The following RABEPK variants were observed in gnomAD, a reference collection of about 807,000 sequenced individuals.
RABEPK encodes Rab9 effector protein with kelch motifs.
In RABEPK, 27 loss-of-function variants were observed where a neutral mutation model predicts 34.1. The observed-to-expected ratio is 0.79, with a 90% CI of 0.58 to 1.09. The LOEUF is 1.09. Ranked by LOEUF, RABEPK falls within the 50% of genes least tolerant of loss-of-function variation. RABEPK has a pLI of 0.00. For missense variants in RABEPK, 449 were observed against 462.6 expected (o/e 0.97, Z 0.27); for synonymous variants, 172 against 169.2 (o/e 1.02, Z -0.13).
intron 2 of RABEPK, 131 bp downstream of exon 2, chr9:125,203,197 T>A: frequency 2.9e-6 from 2 of 694,138 alleles, no homozygotes; most frequent in South Asian, 1.6e-5. Context: ...GTAATTAGAC[T>A]CAAACTGTCT....
rs1037686864 is a variant in RABEPK at position 125,207,793 on chromosome 9, G to A, written c.211+72G>A. 3.0e-5 allele frequency: 46 copies of A among 1,554,190 alleles called. No homozygotes were observed. In the African/African-American group the frequency reaches 5.6e-4, roughly 19 times the overall value. ...GGCTGTGTGCTGCTAGCCATGAGCA[G>A]GGCATTCCTAAAAACACCAGCAGGG... On this transcript the variant is annotated intron_variant, in intron 3 of 7. Coordinates refer to ENST00000373538, the MANE Select transcript of RABEPK (RefSeq NM_005833.4).
At chr9:125,227,848 C>T (rs1588405999) in intron 5 of RABEPK, 62 bp from the exon 6 acceptor site, 3 of 1,463,176 alleles carry the variant, frequency 2.1e-6, no homozygotes, top group Non-Finnish European at 2.8e-6. Flanking sequence ...AGGCTTGGGC[C>T]TGTTTCTCGT....
At chr9:125,222,673 C>T (rs1490967333) in intron 5 of RABEPK, among the ~76,000 whole-genome samples, 4 of 141,064 alleles carry the variant, frequency 2.8e-5, no homozygotes, top group Non-Finnish European at 6.0e-5. Context: ...GAGATCTTGC[C>T]ACTGCACTCC....
rs1466867179 is a variant in RABEPK, at chr9:125,205,185, T to G, written c.53+2119T>G. ...CCAAATGGTGCTTCTTCAGGAAGCCTTCTCTGACCACCCTATCTCCCTGGC... is the reference window on the plus strand; with the variant it reads ...CCAAATGGTGCTTCTTCAGGAAGCCGTCTCTGACCACCCTATCTCCCTGGC... On this transcript the variant is annotated intron_variant, in intron 2 of 7. Coordinates refer to ENST00000373538, the MANE Select transcript of RABEPK (RefSeq NM_005833.4). Among the ~76,000 whole-genome samples the G allele has an allele frequency of 2.0e-5, 3 of 152,144 alleles. No individual in the cohort carries two copies. In the South Asian group the frequency reaches 6.2e-4, roughly 32 times the overall value.
chr9:125,202,925 C>T (rs981181657), intron 1 of RABEPK, 83 bp from the exon 2 acceptor site: 2 of 1,049,674 alleles, frequency 1.9e-6, no homozygotes, highest in Non-Finnish European at 2.9e-6. Flanking sequence ...GTACATTCAA[C>T]AGGAAAGGTT....
At position 125,207,683 on chromosome 9, in the gene RABEPK, C is replaced by G; in HGVS notation, c.173C>G (p.Pro58Arg). 1 of 1,614,126 alleles carries G rather than the reference C, an allele frequency of 6.2e-7. No homozygotes were observed. The highest frequency in any genetic ancestry group is 1.3e-5 in the African/African-American group (1 of 75,036). ...GKVFIVGGANPNRSFSDVHTM... is the reference protein window; with the variant it reads ...GKVFIVGGANRNRSFSDVHTM... ...GTCTTCATTGTTGGGGGAGCAAATCCAAACAGAAGCTTCTCAGACGTGCAC... is the reference window on the plus strand; with the variant it reads ...GTCTTCATTGTTGGGGGAGCAAATCGAAACAGAAGCTTCTCAGACGTGCAC... Residue 58 changes from proline (P) to arginine (R), a missense_variant, in exon 3 of 8, where the codon CCA (proline) becomes CGA (arginine). Pro to Arg is a moderately radical substitution (Grantham distance 103). Coordinates refer to ENST00000373538, the MANE Select transcript of RABEPK (RefSeq NM_005833.4).
rs548350777 is a variant in RABEPK, at chr9:125,200,689, C to G, written c.-224C>G. 2.1e-6 allele frequency: 1 copy of G among 471,214 alleles called. No homozygotes were observed. The highest frequency in any genetic ancestry group is 1.5e-5 in the South Asian group (1 of 64,574). 29.2% of individuals were successfully genotyped at this position (471,214 alleles called of 1,614,324 possible). On this transcript the variant is annotated 5_prime_UTR_variant, in exon 1 of 8. Transcript: ENST00000373538. ...TAGGGGAGTGGGCCCAAGCCGGGTGCAAAGAACGGGGAAGGGCCTTCCCTG... is the reference window on the plus strand; with the variant it reads ...TAGGGGAGTGGGCCCAAGCCGGGTGGAAAGAACGGGGAAGGGCCTTCCCTG...
rs1830319558 is a variant in RABEPK at position 125,207,733 on chromosome 9, A to C, written c.211+12A>C. On this transcript the variant is annotated intron_variant, in intron 3 of 7. Transcript: ENST00000373538. ...CACCATGGATCTGGGTAAGATCAGC[A>C]GCTGCAGAGTACATGCCCTATGGCC... 6.2e-7 allele frequency: 1 copy of C among 1,613,904 alleles called. No homozygotes were observed. The highest frequency in any genetic ancestry group is 1.3e-5 in the African/African-American group (1 of 74,952).
In RABEPK at chr9:125,213,460, T is replaced by A; in HGVS notation, c.302T>A (p.Ile101Asn). 5 of 1,614,140 alleles carry A rather than the reference T, an allele frequency of 3.1e-6. No homozygotes were observed. Among genetic ancestry groups the A allele is most frequent in the Non-Finnish European group, 3.4e-6 (4 of 1,180,006 alleles). Residue 101 changes from isoleucine to asparagine, a missense_variant, in exon 4 of 8, where the codon ATC becomes AAC. Coordinates refer to ENST00000373538, the MANE Select transcript of RABEPK (RefSeq NM_005833.4). Reference sequence around the variant, plus strand: ...ATTCCCTCCTGCACACCTGACCGTATCTGGGTATTTGGAGGTGCCAACCAA... The same window carrying A: ...ATTCCCTCCTGCACACCTGACCGTAACTGGGTATTTGGAGGTGCCAACCAA... ...SFIPSCTPDR[I>N]WVFGGANQSG...
rs1011488261 is a variant in RABEPK at position 125,208,598 on chromosome 9, C to T, written c.211+877C>T. Among the ~76,000 whole-genome samples, 4 of 151,474 alleles carry T rather than the reference C, an allele frequency of 2.6e-5. No homozygotes were observed. The East Asian group carries it at 5.8e-4, about 22-fold the overall frequency. On this transcript the variant is annotated intron_variant, in intron 3 of 7. Transcript: ENST00000373538. ...TTGCCAAGGCTGGAGTGCAGTGGCA[C>T]GACCTCAGCTGACCGCAACCTGTGC... is the stretch of plus-strand genomic sequence containing the variant.
chr9:125,219,489 G>A (rs1342461987), intron 4 of RABEPK, among the ~76,000 whole-genome samples: 3 of 151,918 alleles, frequency 2.0e-5, no homozygotes, highest in East Asian at 3.8e-4. Context: ...CCGCCTCCTG[G>A]TTCAAGTGAT....
intron 5 of RABEPK, among the ~76,000 whole-genome samples, chr9:125,222,581 A>T (rs476671): frequency 6.6e-6 from 1 of 151,210 alleles, no homozygotes; most frequent in Non-Finnish European, 1.5e-5. Context: ...GGGCGTGGTG[A>T]CGCACACCTG....
chr9:125,217,831 G>GT (rs1199509293), intron 4 of RABEPK, among the ~76,000 whole-genome samples: 1 of 152,092 alleles, frequency 6.6e-6, no homozygotes, highest in African/African-American at 2.4e-5. Flanking sequence ...TCCAACATCT[G>GT]TAACTATAGA....
At chr9:125,202,237 A>G (rs1829955598) in intron 1 of RABEPK, among the ~76,000 whole-genome samples, 1 of 151,428 alleles carries the variant, frequency 6.6e-6, no homozygotes, top group South Asian at 2.1e-4. Flanking sequence ...AATAAAAAAT[A>G]AAGCCAGGCA....
intron 4 of RABEPK, among the ~76,000 whole-genome samples, chr9:125,216,949 A>G (rs913276420): frequency 6.6e-6 from 1 of 151,090 alleles, no homozygotes; most frequent in African/African-American, 2.4e-5. Flanking sequence ...CCTGGGTGAC[A>G]GAGTGAGACA....
At chr9:125,219,557 C>CTTTATTTA (rs141674939) in intron 4 of RABEPK, among the ~76,000 whole-genome samples, 13 of 150,674 alleles carry the variant, frequency 8.6e-5, no homozygotes, top group African/African-American at 1.5e-4. Flanking sequence ...CGACACCTGG[C>CTTTATTTA]TTTATTTATT....
intron 5 of RABEPK, among the ~76,000 whole-genome samples, chr9:125,224,711 C>T (rs1831612926): frequency 6.6e-6 from 1 of 152,100 alleles, no homozygotes; most frequent in South Asian, 2.1e-4. Context: ...ATCTTGGCCT[C>T]CCAAAGTGCT....
At chr9:125,232,531 G>C in intron 6 of RABEPK, 65 bp from the exon 7 acceptor site, 1 of 1,521,154 alleles carries the variant, frequency 6.6e-7, no homozygotes. Context: ...AACTACAGTA[G>C]ATAGATAAGT....
At position 125,228,027 on chromosome 9, in the gene RABEPK, G is replaced by A. The variant is rs1305857338; in HGVS notation, c.644G>A (p.Arg215Lys). 1 of 1,603,348 alleles carries A rather than the reference G, an allele frequency of 6.2e-7. No individual in the cohort carries two copies. The highest frequency in any genetic ancestry group is 1.7e-5 in the Admixed American group (1 of 59,182). Residue 215 changes from arginine (R) to lysine (K), a missense_variant, in exon 6 of 8, where the codon AGA becomes AAA. Physicochemically the swap from Arg to Lys is conservative, Grantham distance 26 (BLOSUM62 2). Coordinates refer to ENST00000373538, the MANE Select transcript of RABEPK (RefSeq NM_005833.4). ...LFIHGGLAGDRFYDDLHCIDI... is the reference protein window; with the variant it reads ...LFIHGGLAGDKFYDDLHCIDI... ...ATCCACGGAGGCTTGGCGGGGGACA[G>A]ATTCTATGATGACCTCCACTGCATT...
Sources: allele counts gnomAD v4.1 joint callset (sites outside exome capture counted in the v4.1 genomes callset), GRCh38; gene constraint gnomAD v4.1.1; transcripts MANE v1.5; gene names NCBI Gene and HGNC (gene_info 2026-07-23, HGNC 2026-07-21).